EYS: variants seen among roughly 807,000 people sequenced by gnomAD.
EYS encodes EGF-like photoreceptor maintenance factor, also known as protein eyes shut homolog.
In EYS, 250 loss-of-function variants were observed where a neutral mutation model predicts 282.1. The observed-to-expected ratio is 0.89, with a 90% confidence interval of 0.80 to 0.98. The LOEUF (loss-of-function observed/expected upper bound fraction) is 0.98, where lower values mean the gene tolerates loss of function less well. Among genes scored for constraint, EYS ranks in the 50% least tolerant of loss-of-function variants. The pLI, the probability that EYS is intolerant of heterozygous loss-of-function variation, is 0.00. For missense variants in EYS, 4,016 were observed against 3,709.0 expected (o/e 1.08, Z -2.15); for synonymous variants, 1,355 against 1,282.9 (o/e 1.06, Z -1.20).
At chr6:65,272,033 T>C (rs1341041809) in intron 12 of EYS, among the ~76,000 whole-genome samples, 1 of 152,220 alleles carries the variant, frequency 6.6e-6, no homozygotes, top group Non-Finnish European at 1.5e-5. Context: ...TTTCAGATTG[T>C]GTACATGCGC....
At chr6:64,693,097 A>T (rs1770454075) in intron 22 of EYS, among the ~76,000 whole-genome samples, 1 of 150,348 alleles carries the variant, frequency 6.7e-6, no homozygotes, top group South Asian at 2.1e-4. Context: ...ACAAGTATGA[A>T]TAAATTTAAG....
intron 6 of EYS, among the ~76,000 whole-genome samples, chr6:65,403,243 C>G (rs1766586045): frequency 6.6e-6 from 1 of 151,874 alleles, no homozygotes; most frequent in South Asian, 2.1e-4. Flanking sequence ...ACCATTGGCA[C>G]CTGAAACAAG....
At chr6:64,069,178 G>C (rs556670605) in intron 32 of EYS, among the ~76,000 whole-genome samples, 51 of 152,048 alleles carry the variant, frequency 3.4e-4, no homozygotes, top group African/African-American at 1.2e-3. Flanking sequence ...TCAGACTTCT[G>C]ACCTCCAGAA....
At chr6:64,477,987 T>C (rs1360494351) in intron 26 of EYS, among the ~76,000 whole-genome samples, 1 of 152,072 alleles carries the variant, frequency 6.6e-6, no homozygotes, top group East Asian at 1.9e-4. Context: ...GTCATTACCA[T>C]TCATCTCACT....
At chr6:64,259,650 G>GCGCGCACA (rs140354088) in intron 30 of EYS, among the ~76,000 whole-genome samples, 45 of 145,712 alleles carry the variant, frequency 3.1e-4, no homozygotes, top group Admixed American at 5.5e-4. Flanking sequence ...TTACACACGC[G>GCGCGCACA]CACACACACA....
chr6:64,307,175 T>C (rs969598448), intron 29 of EYS, 93 bp from the exon 30 acceptor site: 3 of 634,346 alleles, frequency 4.7e-6, no homozygotes, highest in Admixed American at 3.1e-5. Context: ...GGTATGCAAC[T>C]GGATTTGGAG....
At chr6:64,084,427 A>C (rs1772078394) in intron 31 of EYS, among the ~76,000 whole-genome samples, 2 of 152,208 alleles carry the variant, frequency 1.3e-5, no homozygotes, top group African/African-American at 4.8e-5. Flanking sequence ...TAATAAAGTA[A>C]AGGGTGGGAG....
chr6:64,677,608 TC>T (rs1171713984), intron 22 of EYS, among the ~76,000 whole-genome samples: 1 of 152,320 alleles, frequency 6.6e-6, no homozygotes, highest in East Asian at 1.9e-4. Context: ...TTGGTAATTT[TC>T]TTTGCAATTA....
intron 2 of EYS, among the ~76,000 whole-genome samples, chr6:65,524,028 C>A (rs1442852313): frequency 3.9e-5 from 6 of 152,120 alleles, no homozygotes; most frequent in East Asian, 3.9e-4. Context: ...CACAACACCA[C>A]GCCCTGCTAA....
intron 2 of EYS, among the ~76,000 whole-genome samples, chr6:65,504,479 G>T (rs1766578626): frequency 1.3e-5 from 2 of 151,632 alleles, no homozygotes; most frequent in Non-Finnish European, 3.0e-5. Context: ...CCTTGTTCCA[G>T]ACCTTTGGAG....
intron 35 of EYS, among the ~76,000 whole-genome samples, chr6:63,911,207 C>A (rs2149737898): frequency 6.6e-6 from 1 of 151,774 alleles, no homozygotes; most frequent in African/African-American, 2.4e-5. Context: ...TTTATCAGCT[C>A]CATTAGCAGT....
At chr6:64,513,527 T>G (rs1777470004) in intron 26 of EYS, among the ~76,000 whole-genome samples, 1 of 151,926 alleles carries the variant, frequency 6.6e-6, no homozygotes, top group Non-Finnish European at 1.5e-5. Context: ...AATATTTTAC[T>G]GTCCCTACAA....
chr6:65,497,393 C>T (rs186826784), intron 2 of EYS, among the ~76,000 whole-genome samples: 12 of 151,956 alleles, frequency 7.9e-5, no homozygotes, highest in African/African-American at 2.4e-4. Context: ...AATGATAAAA[C>T]GGAATCACCT....
intron 24 of EYS, among the ~76,000 whole-genome samples, chr6:64,607,495 G>T (rs568420723): frequency 6.6e-6 from 1 of 152,088 alleles, no homozygotes; most frequent in South Asian, 2.1e-4. Flanking sequence ...GGCTGGAAGG[G>T]ACTATCTAGT....
intron 11 of EYS, among the ~76,000 whole-genome samples, chr6:65,298,788 T>C (rs1768734905): frequency 6.6e-6 from 1 of 151,728 alleles, no homozygotes; most frequent in Non-Finnish European, 1.5e-5. Flanking sequence ...TATAATGCTC[T>C]GAAATTTTAT....
chr6:65,327,595 G>A (rs892243599), intron 11 of EYS, among the ~76,000 whole-genome samples: 2 of 151,392 alleles, frequency 1.3e-5, no homozygotes, highest in Admixed American at 1.3e-4. Context: ...TTTGGTTTTT[G>A]TAGCACACAC....
At chr6:65,374,402 G>A (rs1393420441) in intron 8 of EYS, among the ~76,000 whole-genome samples, 2 of 152,004 alleles carry the variant, frequency 1.3e-5, no homozygotes, top group South Asian at 2.1e-4. Flanking sequence ...TTTGCAATCC[G>A]CAGACCAGGA....
intron 34 of EYS, among the ~76,000 whole-genome samples, chr6:63,993,385 C>T (rs981266207): frequency 4.0e-5 from 6 of 151,454 alleles, no homozygotes; most frequent in Non-Finnish European, 7.4e-5. Context: ...TTTTTGTTCA[C>T]AGATGACCTG....
At chr6:64,506,509 A>G (rs988421896) in intron 26 of EYS, among the ~76,000 whole-genome samples, 1 of 152,186 alleles carries the variant, frequency 6.6e-6, no homozygotes, top group Admixed American at 6.5e-5. Flanking sequence ...TTTTAGCACA[A>G]TAAAATTTAA....
Sources: allele counts gnomAD v4.1 joint callset (sites outside exome capture counted in the v4.1 genomes callset), GRCh38; gene constraint gnomAD v4.1.1; transcripts MANE v1.5; gene names NCBI Gene and HGNC (gene_info 2026-07-23, HGNC 2026-07-21).